SLC36A1: variants seen among roughly 807,000 people sequenced by gnomAD.
SLC36A1 encodes proton-coupled amino acid transporter 1.
In SLC36A1, 30 loss-of-function variants were observed where a neutral mutation model predicts 47.5. The ratio of observed to expected loss-of-function variants is 0.63; its 90% CI spans 0.47 to 0.86. The LOEUF (loss-of-function observed/expected upper bound fraction) is 0.86. Ranked by LOEUF, SLC36A1 falls within the 40% of genes least tolerant of loss-of-function variation. The pLI is 0.00. For synonymous variants in SLC36A1, 255 were observed against 249.7 expected (o/e 1.02, Z -0.20); for missense variants, 517 against 606.0 (o/e 0.85, Z 1.54).
At chr5:151,540,888 A>G in the SLC36A1 span, 3 of 793,832 alleles carry the variant, frequency 3.8e-6, no homozygotes, top group Admixed American at 6.2e-5. Context: ...TTCCTTCCTT[A>G]ACTAGGAACC....
At chr5:151,462,245 T>G (rs357611) in intron 2 of SLC36A1, among the ~76,000 whole-genome samples, 1 of 152,060 alleles carries the variant, frequency 6.6e-6, no homozygotes, top group Non-Finnish European at 1.5e-5. Context: ...CTTTTTGATA[T>G]TATTAATATA....
At chr5:151,423,052 C>G in the SLC36A1 span, among the ~76,000 whole-genome samples, 7 of 152,146 alleles carry the variant, frequency 4.6e-5, no homozygotes, top group African/African-American at 1.7e-4. Flanking sequence ...TCATATGTCA[C>G]CAGAGAACTG....
chr5:151,358,787 C>A, the SLC36A1 span, among the ~76,000 whole-genome samples: 1 of 151,624 alleles, frequency 6.6e-6, no homozygotes, highest in South Asian at 2.1e-4. Context: ...TCCTGGCTAA[C>A]AAGGTGAAAC....
chr5:151,432,101 A>G (rs1055054887), upstream of SLC36A1, among the ~76,000 whole-genome samples: 2 of 152,158 alleles, frequency 1.3e-5, no homozygotes, highest in African/African-American at 4.8e-5. Flanking sequence ...TTTTCTGCCA[A>G]ATGACTGAAT....
chr5:151,464,631 T>C, intron 4 of SLC36A1, 29 bp downstream of exon 4: 1 of 1,594,136 alleles, frequency 6.3e-7, no homozygotes, highest in Non-Finnish European at 8.6e-7. Flanking sequence ...ACCTCTCAAG[T>C]GACAGATTGT....
intron 1 of SLC36A1, among the ~76,000 whole-genome samples, chr5:151,454,360 A>C (rs1464428227): frequency 1.3e-5 from 2 of 152,160 alleles, no homozygotes; most frequent in African/African-American, 4.8e-5. Flanking sequence ...GCCTAAGGGC[A>C]GTGTGGCCAT....
At chr5:151,543,231 A>G in the SLC36A1 span, 3 of 1,614,028 alleles carry the variant, frequency 1.9e-6, no homozygotes, top group Non-Finnish European at 2.5e-6. Flanking sequence ...TTTCAATGAC[A>G]TCTTTAACTA....
At position 151,465,280 on chromosome 5, in the gene SLC36A1, C is replaced by T; in HGVS notation, c.419+111C>T. On this transcript the variant is annotated intron_variant, in intron 5 of 10. Transcript: ENST00000243389. ...AGCGTGGAAAGAGTGCTGTTTGGGT[C>T]AGTTGCCTTGGGCTGTGGCTCAGCT... The T allele has an allele frequency of 5.8e-6, 5 of 868,274 alleles. No individual in the cohort carries two copies. The South Asian group carries it at 6.9e-5, about 12-fold the overall frequency. 53.8% of individuals were successfully genotyped at this position (868,274 alleles called of 1,614,324 possible).
chr5:151,429,130 C>A, the SLC36A1 span, among the ~76,000 whole-genome samples: 1 of 152,168 alleles, frequency 6.6e-6, no homozygotes, highest in Non-Finnish European at 1.5e-5. Context: ...TCATTTCACT[C>A]TCTCAACAAC....
At chr5:151,465,573 T>A (rs1756230479) in intron 5 of SLC36A1, among the ~76,000 whole-genome samples, 2 of 152,132 alleles carry the variant, frequency 1.3e-5, no homozygotes, top group African/African-American at 4.8e-5. Context: ...CTCCAGAGGC[T>A]TGTAGTCTGT....
chr5:151,507,289 G>A, the SLC36A1 span: 2 of 1,614,084 alleles, frequency 1.2e-6, no homozygotes, highest in Non-Finnish European at 1.7e-6. Flanking sequence ...AATGTGACGA[G>A]TTCATTTGGA....
chr5:151,521,818 C>A, the SLC36A1 span: 20 of 1,614,072 alleles, frequency 1.2e-5, no homozygotes, highest in East Asian at 4.5e-4. Context: ...ACGAGGCAGG[C>A]CCTGGGCGGC....
At chr5:151,413,132 G>A in the SLC36A1 span, among the ~76,000 whole-genome samples, 1 of 151,602 alleles carries the variant, frequency 6.6e-6, no homozygotes, top group African/African-American at 2.4e-5. Flanking sequence ...GCCAGCTCAA[G>A]GATAGATATT....
At chr5:151,531,782 C>A in the SLC36A1 span, 8 of 1,612,718 alleles carry the variant, frequency 5.0e-6, no homozygotes, top group Non-Finnish European at 6.8e-6. The surrounding 1 kb of genome is among the most constrained non-coding windows in gnomAD (Gnocchi z 5.7). Flanking sequence ...ACCACCGAGA[C>A]TGTGACGGTG....
At chr5:151,365,647 G>C in the SLC36A1 span, among the ~76,000 whole-genome samples, 7 of 152,188 alleles carry the variant, frequency 4.6e-5, no homozygotes, top group African/African-American at 1.7e-4. Context: ...CAGGGACAGG[G>C]TTTAGTGGTT....
At chr5:151,479,525 C>G in intron 10 of SLC36A1, 36 bp downstream of exon 10, 1 of 1,596,588 alleles carries the variant, frequency 6.3e-7, no homozygotes, top group Non-Finnish European at 8.6e-7. Flanking sequence ...GCTTGTTTTT[C>G]CCTAAAGGGC....
the SLC36A1 span, chr5:151,505,548 G>T: frequency 3.1e-6 from 5 of 1,613,798 alleles, no homozygotes; most frequent in African/African-American, 6.7e-5. Flanking sequence ...CGCCTGCCTT[G>T]CTCTGGGAAT....
chr5:151,469,594 T>C (rs1757042756), intron 7 of SLC36A1, among the ~76,000 whole-genome samples: 1 of 152,166 alleles, frequency 6.6e-6, no homozygotes, highest in Admixed American at 6.5e-5. Context: ...ACTTAAGATA[T>C]TTGTCTAGAT....
chr5:151,364,371 T>C, the SLC36A1 span, among the ~76,000 whole-genome samples: 1 of 152,212 alleles, frequency 6.6e-6, no homozygotes, highest in Non-Finnish European at 1.5e-5. Flanking sequence ...GTCAACTGTA[T>C]ATGTTTCCCT....
Sources: gnomAD v4.1 joint callset for allele counts (sites outside exome capture counted in the v4.1 genomes callset) on GRCh38, gnomAD v4.1.1 for gene constraint, Gnocchi (gnomAD v3.1) non-coding constraint, MANE v1.5 for transcripts, NCBI Gene and HGNC (gene_info 2026-07-23, HGNC 2026-07-21) for gene names.